The following WDR70 variants were observed in gnomAD, a reference collection of about 807,000 sequenced individuals.
WDR70 encodes WD repeat-containing protein 70.
In WDR70, 53 loss-of-function variants were observed where a neutral mutation model predicts 88.6. The observed-to-expected ratio is 0.60, with a 90% CI of 0.48 to 0.75. The LOEUF (loss-of-function observed/expected upper bound fraction) is 0.75, where lower values mean the gene tolerates loss of function less well. Ranked by LOEUF, WDR70 falls within the 30% of genes least tolerant of loss-of-function variation. The pLI is 0.00. For missense variants in WDR70, 610 were observed against 823.2 expected, an observed-to-expected ratio of 0.74 and a Z score of 3.17; for synonymous variants, 280 against 270.0, an observed-to-expected ratio of 1.04 and a Z score of -0.36.
chr5:37,595,579 A>G (rs1387400547), intron 9 of WDR70, among the ~76,000 whole-genome samples: 1 of 152,194 alleles, frequency 6.6e-6, no homozygotes, highest in African/African-American at 2.4e-5. Context: ...GGAGATAGAA[A>G]TTGGATAAGC....
intron 17 of WDR70, among the ~76,000 whole-genome samples, chr5:37,738,439 A>T (rs1748368698): frequency 6.6e-6 from 1 of 152,190 alleles, no homozygotes. Flanking sequence ...TGACCTGTGG[A>T]CTTTCCACTG....
intron 17 of WDR70, among the ~76,000 whole-genome samples, chr5:37,749,340 C>G (rs1002620772): frequency 3.3e-5 from 5 of 152,160 alleles, no homozygotes; most frequent in African/African-American, 9.7e-5. Flanking sequence ...CCTCAGCAAA[C>G]TACACAGTAA....
chr5:37,386,168 C>T (rs527403217), intron 3 of WDR70, among the ~76,000 whole-genome samples: 1 of 152,090 alleles, frequency 6.6e-6, no homozygotes, highest in East Asian at 1.9e-4. Context: ...ATTTTAATAT[C>T]CTCAAACGAT....
chr5:37,620,737 C>A (rs1744485223), intron 10 of WDR70, among the ~76,000 whole-genome samples: 1 of 152,110 alleles, frequency 6.6e-6, no homozygotes. Flanking sequence ...CTAAAGCATG[C>A]CTCAAATATA....
chr5:37,546,694 G>A (rs553461565), intron 9 of WDR70, among the ~76,000 whole-genome samples: 7 of 152,212 alleles, frequency 4.6e-5, no homozygotes, highest in South Asian at 2.1e-4. Flanking sequence ...TGAGGCGGGC[G>A]GAGCACCTCG....
intron 10 of WDR70, among the ~76,000 whole-genome samples, chr5:37,605,584 G>A (rs765354025): frequency 4.6e-5 from 7 of 152,082 alleles, no homozygotes; most frequent in Non-Finnish European, 8.8e-5. Flanking sequence ...ACAACACTAA[G>A]CAGAGAACTA....
chr5:37,421,140 C>T (rs1235774696), intron 5 of WDR70, among the ~76,000 whole-genome samples: 2 of 152,194 alleles, frequency 1.3e-5, no homozygotes, highest in East Asian at 1.9e-4. Context: ...TCTAAGGCCA[C>T]GCAGTGGTAA....
intron 13 of WDR70, among the ~76,000 whole-genome samples, chr5:37,708,222 C>G (rs1581516606): frequency 6.6e-6 from 1 of 150,808 alleles, no homozygotes; most frequent in South Asian, 2.1e-4. Context: ...ATACCTCATT[C>G]ATGTTCTCTA....
chr5:37,557,911 G>A (rs1742341889), intron 9 of WDR70, among the ~76,000 whole-genome samples: 1 of 131,428 alleles, frequency 7.6e-6, no homozygotes, highest in Non-Finnish European at 1.7e-5. Context: ...ATACTCTTTT[G>A]AAAACTCTTC....
intron 10 of WDR70, among the ~76,000 whole-genome samples, chr5:37,678,509 A>T (rs1746308271): frequency 6.6e-6 from 1 of 152,144 alleles, no homozygotes; most frequent in African/African-American, 2.4e-5. Context: ...TTGGCTGGAT[A>T]TGAAATTCTG....
intron 5 of WDR70, among the ~76,000 whole-genome samples, chr5:37,411,624 G>A (rs1749529052): frequency 6.6e-6 from 1 of 152,128 alleles, no homozygotes; most frequent in Non-Finnish European, 1.5e-5. Context: ...TACTCGGGAG[G>A]CTGAGACATG....
At chr5:37,663,342 T>G (rs1745752113) in intron 10 of WDR70, among the ~76,000 whole-genome samples, 1 of 152,212 alleles carries the variant, frequency 6.6e-6, no homozygotes, top group Non-Finnish European at 1.5e-5. Context: ...CTGTAATACA[T>G]ATTTTACCAA....
chr5:37,411,872 A>G (rs1055697555), intron 5 of WDR70, among the ~76,000 whole-genome samples: 2 of 152,130 alleles, frequency 1.3e-5, no homozygotes, highest in Non-Finnish European at 2.9e-5. Flanking sequence ...ACTAGTTAGT[A>G]GTTGGATTTA....
At chr5:37,671,495 A>T (rs1240109739) in intron 10 of WDR70, among the ~76,000 whole-genome samples, 1 of 152,194 alleles carries the variant, frequency 6.6e-6, no homozygotes, top group Non-Finnish European at 1.5e-5. Context: ...CAGCTTGGCC[A>T]GGATCAAACT....
intron 17 of WDR70, 110 bp from the exon 18 acceptor site, chr5:37,752,376 G>C: frequency 1.5e-6 from 1 of 675,394 alleles, no homozygotes; most frequent in South Asian, 2.0e-5. Flanking sequence ...TAATAATTGA[G>C]TTGTAATTTA....
chr5:37,679,574 C>G (rs1050893284), intron 10 of WDR70, among the ~76,000 whole-genome samples: 6 of 152,126 alleles, frequency 3.9e-5, no homozygotes, highest in Non-Finnish European at 7.3e-5. Context: ...ATGCTGCTAT[C>G]TGATCGTTCC....
At chr5:37,692,787 TC>T (rs1554012726) in intron 10 of WDR70, among the ~76,000 whole-genome samples, 2 of 152,084 alleles carry the variant, frequency 1.3e-5, no homozygotes, top group African/African-American at 4.8e-5. Context: ...CTGGAAGCAT[TC>T]CCTTTGAAAA....
At chr5:37,464,199 A>G (rs1287678046) in intron 7 of WDR70, among the ~76,000 whole-genome samples, 1 of 152,214 alleles carries the variant, frequency 6.6e-6, no homozygotes, top group African/African-American at 2.4e-5. Flanking sequence ...ACTGGAGAAA[A>G]TTACACTTCC....
At position 37,442,736 on chromosome 5, in the gene WDR70, T is replaced by C. The variant is rs185993258; in HGVS notation, c.553-503T>C. On this transcript the variant is annotated intron_variant, in intron 6 of 17. Transcript: ENST00000265107. ...GTGAATATACCGAGCCATTTGACCA[T>C]AAGGGACAGATAATTCTGCTTTGTT... Among the ~76,000 whole-genome samples, 349 of 152,348 alleles carry C rather than the reference T, an allele frequency of 2.3e-3. 2 individuals are homozygous for C. Among genetic ancestry groups the C allele is most frequent in the African/African-American group, 8.1e-3 (338 of 41,588 alleles).
Sources: allele counts gnomAD v4.1 joint callset (sites outside exome capture counted in the v4.1 genomes callset), GRCh38; gene constraint gnomAD v4.1.1; transcripts MANE v1.5; gene names NCBI Gene and HGNC (gene_info 2026-07-23, HGNC 2026-07-21).